The following ITIH6 variants were observed in gnomAD, a reference collection of about 807,000 sequenced individuals.
ITIH6 encodes the protein inter-alpha-trypsin inhibitor heavy chain H6.
ITIH6 carries 60 observed loss-of-function variants against 58.2 expected under a neutral mutation model. That is an observed-to-expected ratio of 1.03 (90% CI 0.84 to 1.28). The LOEUF is 1.28. ITIH6 is among the 50% of genes most tolerant of loss of function. The probability of loss-of-function intolerance (pLI) is 0.00; values close to 1 mark genes in which losing one functional copy is unlikely to be tolerated. For missense variants in ITIH6, 1,290 were observed against 1,021.1 expected, an observed-to-expected ratio of 1.26 and a Z score of -3.59; for synonymous variants, 493 against 417.4, an observed-to-expected ratio of 1.18 and a Z score of -2.21.
At chrX:54,796,899 T>C in intron 2 of ITIH6, 43 bp downstream of exon 2, 9 of 1,169,818 alleles carry the variant, frequency 7.7e-6, no homozygotes, top group East Asian at 3.0e-5. Flanking sequence ...CGAACAAATA[T>C]ATGCACAAAT....
At chrX:54,788,454 C>G (rs1451083036) in intron 5 of ITIH6, 26 bp downstream of exon 5, 1 of 1,193,062 alleles carries the variant, frequency 8.4e-7, no homozygotes, top group Admixed American at 2.2e-5. Context: ...AGCCCATCCT[C>G]TCTCCTCTTC....
At chrX:54,762,121 T>C (rs1285480337) in intron 6 of ITIH6, among the ~76,000 whole-genome samples, 1 of 111,901 alleles carries the variant, frequency 8.9e-6, no homozygotes, top group Non-Finnish European at 1.9e-5. Flanking sequence ...CATTGAACAG[T>C]GGTTTGTAGT....
At position 54,758,244 on chromosome X, in the gene ITIH6, C is replaced by A; in HGVS notation, c.1830G>T (p.Met610Ile). The A allele has an allele frequency of 8.3e-7, 1 of 1,211,014 alleles. No individual in the cohort carries two copies. Among genetic ancestry groups the A allele is most frequent in the Non-Finnish European group, 1.1e-6 (1 of 895,079 alleles). ...CCTCACTGGCCTGTTTGGGTTGCAC[C>A]ATGACCAGTGAAGTCAGAGGTGTGA... is the stretch of plus-strand genomic sequence containing the variant. ...NFVTPLTSLVMVQPKQASEET... is the reference protein window; with the variant it reads ...NFVTPLTSLVIVQPKQASEET... Residue 610 changes from methionine to isoleucine, a missense_variant, in exon 8 of 13, where the codon ATG becomes ATT. Coordinates refer to ENST00000218436, the MANE Select transcript of ITIH6 (RefSeq NM_198510.3).
At position 54,798,215 on chromosome X, in the gene ITIH6, C is replaced by A. The variant is rs969447854; in HGVS notation, c.-5G>T. On this transcript the variant is annotated 5_prime_UTR_variant, in exon 1 of 13. Coordinates refer to ENST00000218436, the MANE Select transcript of ITIH6 (RefSeq NM_198510.3). Reference sequence around the variant, plus strand: ...GAGGTACCTCCACCCAGACATGATGCCACCTCTGGCCTGGATCTGTTGTTC... The same window carrying A: ...GAGGTACCTCCACCCAGACATGATGACACCTCTGGCCTGGATCTGTTGTTC... The A allele has an allele frequency of 8.9e-7, 1 of 1,127,099 alleles. No homozygotes were observed. The highest frequency in any genetic ancestry group is 1.8e-5 in the African/African-American group (1 of 55,560). 92.9% of individuals were successfully genotyped at this position (1,127,099 alleles called of 1,213,427 possible). A position where few individuals can be genotyped will look rare whatever the true frequency, so the allele number is the denominator to read the frequency against.
intron 6 of ITIH6, among the ~76,000 whole-genome samples, chrX:54,761,550 C>T (rs777238195): frequency 3.9e-3 from 440 of 111,493 alleles, no homozygotes; most frequent in African/African-American, 0.014. Flanking sequence ...AGGTTTTCTT[C>T]TAGGGTTTTT....
chrX:54,769,452 A>G lies in ITIH6; in HGVS notation c.903+4629T>C, dbSNP rs1278231052. The stretch of plus-strand genomic sequence containing the variant: ...TGCGTTCCTTTGGAGGAGGAGAGGC[A>G]CTCTGCGTTTTAGAATTTCCAGTTT... On this transcript the variant is annotated intron_variant, in intron 6 of 12. Transcript: ENST00000218436. Among the ~76,000 whole-genome samples the G allele has an allele frequency of 1.4e-4, 15 of 105,489 alleles. No individual in the cohort carries two copies. In the South Asian group the frequency reaches 2.2e-3, roughly 16 times the overall value. 91.6% of individuals were successfully genotyped at this position (105,489 alleles called of 115,157 possible). A position where few individuals can be genotyped will look rare whatever the true frequency, so the allele number is the denominator to read the frequency against.
Position 54,757,258 on chromosome X carries a change from C to T in ITIH6, c.2816G>A (p.Arg939Lys), listed in dbSNP as rs201294934. Residue 939 changes from arginine to lysine, a missense_variant, in exon 8 of 13, where the codon AGG (arginine) becomes AAG (lysine). Coordinates refer to ENST00000218436, the MANE Select transcript of ITIH6 (RefSeq NM_198510.3). ...MPFTPTLPPGRFWHQYDLLPG... is the reference protein window; with the variant it reads ...MPFTPTLPPGKFWHQYDLLPG... ...GAGGAGGTCATACTGATGCCAGAACCTTCCAGGGGGCAGAGTGGGAGTAAA... is the reference window on the plus strand; with the variant it reads ...GAGGAGGTCATACTGATGCCAGAACTTTCCAGGGGGCAGAGTGGGAGTAAA... The T allele has an allele frequency of 2.1e-4, 247 of 1,189,533 alleles. 1 individual carries two copies. Among genetic ancestry groups the T allele is most frequent in the Non-Finnish European group, 2.7e-4 (239 of 884,780 alleles).
At chrX:54,770,773 C>T (rs1928933110) in intron 6 of ITIH6, among the ~76,000 whole-genome samples, 1 of 111,446 alleles carries the variant, frequency 9.0e-6, no homozygotes, top group Non-Finnish European at 1.9e-5. Flanking sequence ...TTTATTTTAC[C>T]TTCATTTATT....
intron 9 of ITIH6, among the ~76,000 whole-genome samples, chrX:54,754,371 T>C (rs1196344711): frequency 8.9e-6 from 1 of 112,231 alleles, no homozygotes; most frequent in Non-Finnish European, 1.9e-5. Context: ...GTGAATATGA[T>C]GAAATATCCT....
chrX:54,787,016 A>T (rs950937288), intron 5 of ITIH6, among the ~76,000 whole-genome samples: 4 of 111,274 alleles, frequency 3.6e-5, no homozygotes, highest in Non-Finnish European at 7.5e-5. Context: ...CTCACGGTGC[A>T]TGGGAGTTCC....
rs1398420018 is a variant in ITIH6 at position 54,757,077 on chromosome X, C to T, written c.2997G>A (p.Leu999=). 1.7e-6 allele frequency: 2 copies of T among 1,211,293 alleles called. No homozygotes were observed. Among genetic ancestry groups the T allele is most frequent in the Non-Finnish European group, 2.2e-6 (2 of 895,146 alleles). Residue 999 remains leucine, a synonymous_variant, in exon 8 of 13, where the codon CTG becomes CTA. Coordinates refer to ENST00000218436, the MANE Select transcript of ITIH6 (RefSeq NM_198510.3). ...GCTCTAGCTCCTCAGGGAGAAGGAG[C>T]AGACTGATGGCCTCAGGGAGGATGC... ...PSSILPEAIS[L]LLLPEELELL...
chrX:54,777,689 A>G (rs1182952328), intron 5 of ITIH6, among the ~76,000 whole-genome samples: 1 of 112,491 alleles, frequency 8.9e-6, no homozygotes, highest in Non-Finnish European at 1.9e-5. Flanking sequence ...TCTCCCAGAT[A>G]TTGTCCAAGA....
chrX:54,776,173 T>C (rs1351510809), intron 5 of ITIH6, among the ~76,000 whole-genome samples: 4 of 108,078 alleles, frequency 3.7e-5, no homozygotes, highest in Admixed American at 3.0e-4. Flanking sequence ...GTTGCCCTCT[T>C]AGAGGAGTAA....
chrX:54,752,693 A>G (rs1928390381), intron 11 of ITIH6, among the ~76,000 whole-genome samples: 1 of 112,373 alleles, frequency 8.9e-6, no homozygotes, highest in African/African-American at 3.2e-5. Flanking sequence ...CACCCAGATC[A>G]CCTGCAGACA....
rs758075548 is a variant in ITIH6, at chrX:54,749,940, A to G, written c.3897T>C (p.His1299=). The G allele has an allele frequency of 1.7e-6, 2 of 1,211,342 alleles. No homozygotes were observed. Among genetic ancestry groups the G allele is most frequent in the East Asian group, 5.9e-5 (2 of 33,817 alleles). The change falls in exon 13 of 13, where the codon CAT becomes CAC. Residue 1299 remains histidine, a synonymous_variant. Coordinates refer to ENST00000218436, the MANE Select transcript of ITIH6 (RefSeq NM_198510.3). ...AGGGGTGGCCCAGAAGCAGCTCTAC[A>G]TGAGAGCGCTTCACCAGCCAGCAGG... is the stretch of plus-strand genomic sequence containing the variant. The part of the protein sequence containing the change: ...WASCWLVKRS[H]VELLLGHPYL...
rs1928341092 is a variant in ITIH6 at position 54,751,030 on chromosome X, G to A, written c.3703C>T (p.Leu1235Phe). ...LGFYVANGSG[L>F]SPSARGLIGQ... ...ATCAGGCCACGGGCTGAGGGGCTGA[G>A]GCCTGAGCCATTGGCCACGTAGAAC... is the stretch of plus-strand genomic sequence containing the variant. The change falls in exon 12 of 13, where the codon CTC becomes TTC. Residue 1235 changes from leucine (L) to phenylalanine (F), a missense_variant. Physicochemically the swap from Leu to Phe is conservative, Grantham distance 22 (BLOSUM62 0). Coordinates refer to ENST00000218436, the MANE Select transcript of ITIH6 (RefSeq NM_198510.3). 1.7e-6 allele frequency: 2 copies of A among 1,176,679 alleles called. No homozygotes were observed. Among genetic ancestry groups the A allele is most frequent in the Non-Finnish European group, 2.3e-6 (2 of 878,068 alleles).
chrX:54,766,071 G>A (rs1489256949), intron 6 of ITIH6, among the ~76,000 whole-genome samples: 43 of 110,700 alleles, frequency 3.9e-4, no homozygotes, highest in Non-Finnish European at 7.2e-4. Context: ...ATATCCTTGA[G>A]CAGTGGTTTG....
chrX:54,760,531 C>T (rs1379238943), intron 6 of ITIH6, among the ~76,000 whole-genome samples: 1 of 111,373 alleles, frequency 9.0e-6, no homozygotes, highest in Non-Finnish European at 1.9e-5. Flanking sequence ...TGTTGGTGTG[C>T]TGCACCCATT....
Position 54,749,595 on chromosome X carries a change from G to T in ITIH6, c.*300C>A, listed in dbSNP as rs1928308764. ...TAGGAGTTAGGGAAAGCTGTGAGCA[G>T]AACTACTGATCATTTTTTCGTTTTA... On this transcript the variant is annotated 3_prime_UTR_variant, in exon 13 of 13. Transcript: ENST00000218436. 2 of 269,033 alleles carry T rather than the reference G, an allele frequency of 7.4e-6. No homozygotes were observed. The highest frequency in any genetic ancestry group is 6.0e-5 in the Admixed American group (1 of 16,659). 22.2% of individuals were successfully genotyped at this position (269,033 alleles called of 1,213,427 possible). A position where few individuals can be genotyped will look rare whatever the true frequency, so the allele number is the denominator to read the frequency against.
Sources: gnomAD v4.1 joint callset for allele counts (sites outside exome capture counted in the v4.1 genomes callset) on GRCh38, gnomAD v4.1.1 for gene constraint, MANE v1.5 for transcripts, NCBI Gene and HGNC (gene_info 2026-07-23, HGNC 2026-07-21) for gene names.